COL26A1: variants seen among roughly 807,000 people sequenced by gnomAD.
COL26A1 encodes the protein collagen type XXVI alpha 1 chain.
In COL26A1, 41 loss-of-function variants were observed where a neutral mutation model predicts 59.3. The observed-to-expected ratio is 0.69, with a 90% confidence interval of 0.54 to 0.90. The LOEUF is 0.90. COL26A1 is among the 40% of genes least tolerant of loss of function. The pLI is 0.00. For synonymous variants in COL26A1, 266 were observed against 256.0 expected (o/e 1.04, Z -0.37); for missense variants, 612 against 602.3 (o/e 1.02, Z -0.17).
intron 3 of COL26A1, among the ~76,000 whole-genome samples, chr7:101,506,255 C>T (rs1794810723): frequency 6.6e-6 from 1 of 152,266 alleles, no homozygotes; most frequent in Admixed American, 6.5e-5. Flanking sequence ...GGAATCCCTA[C>T]TGTCACTGGC....
intron 1 of COL26A1, among the ~76,000 whole-genome samples, chr7:101,379,416 C>A (rs1791395478): frequency 6.6e-6 from 1 of 152,176 alleles, no homozygotes; most frequent in African/African-American, 2.4e-5. Context: ...TGGGAGAAGA[C>A]CTGGCTGTGC....
chr7:101,435,673 G>A (rs929805636), intron 2 of COL26A1, among the ~76,000 whole-genome samples: 2 of 152,168 alleles, frequency 1.3e-5, no homozygotes, highest in African/African-American at 4.8e-5. Flanking sequence ...TGGCTGGGAC[G>A]GGCTGGGGCT....
At chr7:101,403,691 A>G (rs1005047808) in intron 1 of COL26A1, among the ~76,000 whole-genome samples, 2 of 152,124 alleles carry the variant, frequency 1.3e-5, no homozygotes, top group African/African-American at 4.8e-5. Flanking sequence ...CCATCTTTTC[A>G]ATGGCAGTCC....
At chr7:101,470,449 G>A (rs1359770990) in intron 3 of COL26A1, among the ~76,000 whole-genome samples, 1 of 151,828 alleles carries the variant, frequency 6.6e-6, no homozygotes, top group African/African-American at 2.4e-5. Flanking sequence ...GCAAGCTTCT[G>A]TCTTTCTTCT....
At chr7:101,494,268 A>G (rs1480548179) in intron 3 of COL26A1, among the ~76,000 whole-genome samples, 4 of 152,004 alleles carry the variant, frequency 2.6e-5, no homozygotes, top group Admixed American at 1.3e-4. Context: ...CTGGGATTCC[A>G]GGCACTTGCC....
intron 3 of COL26A1, among the ~76,000 whole-genome samples, chr7:101,531,549 G>T (rs766567346): frequency 6.6e-6 from 1 of 152,164 alleles, no homozygotes; most frequent in African/African-American, 2.4e-5. Context: ...ATAAATCACT[G>T]ATTTGGGCCA....
At position 101,473,286 on chromosome 7, in the gene COL26A1, C is replaced by A. The variant is rs1358529383; in HGVS notation, c.385+25499C>A. On this transcript the variant is annotated intron_variant, in intron 3 of 12. Transcript: ENST00000313669. ...AGTAGAGACAGGGTTTCACCATTCA[C>A]CGCATGGTCTTGATCTCCTGACCTT... 5.3e-5 allele frequency among the ~76,000 whole-genome samples: 8 copies of A among 151,984 alleles called. No individual in the cohort carries two copies. In the East Asian group the frequency reaches 1.5e-3, roughly 29 times the overall value.
chr7:101,385,191 C>A (rs1420833799), intron 1 of COL26A1, among the ~76,000 whole-genome samples: 1 of 36,128 alleles, frequency 2.8e-5, no homozygotes, highest in East Asian at 4.5e-4. Flanking sequence ...ATTCTTCAAT[C>A]CAATCAATTT....
At chr7:101,474,517 A>G (rs916336145) in intron 3 of COL26A1, among the ~76,000 whole-genome samples, 3 of 152,060 alleles carry the variant, frequency 2.0e-5, no homozygotes, top group African/African-American at 4.8e-5. Context: ...GCTTGAGCCC[A>G]GAAGTTTGAA....
intron 3 of COL26A1, among the ~76,000 whole-genome samples, chr7:101,458,652 A>AG (rs1793536066): frequency 2.1e-5 from 1 of 47,104 alleles, no homozygotes; most frequent in African/African-American, 9.9e-5. Flanking sequence ...CTCTGTCTCC[A>AG]AAAAAAAAAG....
At chr7:101,415,728 C>T (rs1475841081) in intron 1 of COL26A1, among the ~76,000 whole-genome samples, 1 of 152,112 alleles carries the variant, frequency 6.6e-6, no homozygotes. Flanking sequence ...TCCCTGATCT[C>T]AAGCGATCCT....
At chr7:101,518,296 T>C (rs1275608902) in intron 3 of COL26A1, among the ~76,000 whole-genome samples, 10 of 152,188 alleles carry the variant, frequency 6.6e-5, no homozygotes, top group Non-Finnish European at 1.0e-4. Flanking sequence ...CCCAAGGCTG[T>C]GGGTGCCCCT....
chr7:101,392,077 A>G (rs1283728868), intron 1 of COL26A1, among the ~76,000 whole-genome samples: 2 of 152,064 alleles, frequency 1.3e-5, no homozygotes, highest in Non-Finnish European at 2.9e-5. Flanking sequence ...AGGGAAGTGT[A>G]TGGGCCTGAG....
chr7:101,366,474 ATTTT>A (rs869149636), intron 1 of COL26A1, among the ~76,000 whole-genome samples: 346 of 75,432 alleles, frequency 4.6e-3, no homozygotes, highest in Non-Finnish European at 7.6e-3. Flanking sequence ...TTAACGTCTG[ATTTT>A]TTTTTTTTTT....
At chr7:101,543,550 C>G (rs987874919) in intron 5 of COL26A1, among the ~76,000 whole-genome samples, 1 of 152,058 alleles carries the variant, frequency 6.6e-6, no homozygotes, top group Non-Finnish European at 1.5e-5. Flanking sequence ...GTTTAGAGAT[C>G]TGTAGCTGGG....
chr7:101,417,692 A>ATAGAGATATATCTCTATATCTATGTCT (rs1792411595), intron 1 of COL26A1, among the ~76,000 whole-genome samples: 1 of 108,126 alleles, frequency 9.2e-6, no homozygotes, highest in African/African-American at 2.8e-5. Flanking sequence ...AGACATAGAT[A>ATAGAGATATATCTCTATATCTATGTCT]TAGAGATATA....
chr7:101,381,443 T>C (rs1273989279), intron 1 of COL26A1, among the ~76,000 whole-genome samples: 1 of 152,186 alleles, frequency 6.6e-6, no homozygotes, highest in Non-Finnish European at 1.5e-5. Context: ...TGTGTCTTAG[T>C]TCCTTTTGTG....
intron 1 of COL26A1, among the ~76,000 whole-genome samples, chr7:101,388,595 A>C (rs1443468389): frequency 6.9e-6 from 1 of 145,736 alleles, no homozygotes; most frequent in African/African-American, 2.5e-5. Context: ...AGACAGTCTC[A>C]CTCTGTTGCC....
chr7:101,439,552 T>C (rs1792998727), intron 2 of COL26A1, among the ~76,000 whole-genome samples: 1 of 6,462 alleles, frequency 1.5e-4, no homozygotes, highest in South Asian at 4.4e-3. Flanking sequence ...AGACTCCGTC[T>C]GAAAAAAAAA....
Sources: gnomAD v4.1 joint callset for allele counts (sites outside exome capture counted in the v4.1 genomes callset) on GRCh38, gnomAD v4.1.1 for gene constraint, MANE v1.5 for transcripts, NCBI Gene and HGNC (gene_info 2026-07-23, HGNC 2026-07-21) for gene names.